The following ADARB1 variants were observed in gnomAD, a reference collection of about 807,000 sequenced individuals.
ADARB1 encodes adenosine deaminase RNA specific B1.
Under a neutral mutation model 52.4 loss-of-function variants are expected in ADARB1, and 10 were observed. The ratio of observed to expected loss-of-function variants is 0.19; its 90% CI spans 0.12 to 0.32. ADARB1 has a LOEUF of 0.32. Ranked by LOEUF, ADARB1 falls within the 10% of genes least tolerant of loss-of-function variation. The pLI is 1.00. For synonymous variants in ADARB1, 349 were observed against 371.1 expected, an observed-to-expected ratio of 0.94 and a Z score of 0.68; for missense variants, 643 against 922.3, an observed-to-expected ratio of 0.70 and a Z score of 3.92.
At chr21:45,156,372 C>G (rs2090629949) in intron 2 of ADARB1, among the ~76,000 whole-genome samples, 1 of 150,044 alleles carries the variant, frequency 6.7e-6, no homozygotes, top group Non-Finnish European at 1.5e-5. Context: ...CCCATCATCA[C>G]CCATCACCCA....
intron 1 of ADARB1, among the ~76,000 whole-genome samples, chr21:45,088,294 G>T (rs2086425186): frequency 6.6e-6 from 1 of 152,224 alleles, no homozygotes; most frequent in African/African-American, 2.4e-5. Flanking sequence ...CAGAAGATGA[G>T]TCTGGAACCT....
intron 2 of ADARB1, among the ~76,000 whole-genome samples, chr21:45,164,436 G>C (rs564622773): frequency 3.3e-5 from 5 of 151,776 alleles, no homozygotes; most frequent in South Asian, 2.1e-4. Flanking sequence ...GGAGGAGACC[G>C]AGCCTGCCCC....
rs534664586 is a variant in ADARB1 at position 45,157,631 on chromosome 21, C to T, written c.-47-13979C>T. Among the ~76,000 whole-genome samples the T allele has an allele frequency of 5.3e-5, 8 of 152,138 alleles. No homozygotes were observed. Among genetic ancestry groups the T allele is most frequent in the Admixed American group, 3.9e-4 (6 of 15,262 alleles). On this transcript the variant is annotated intron_variant, in intron 2 of 10. Transcript: ENST00000348831. The surrounding 1 kb of genome is among the most constrained non-coding windows in gnomAD (Gnocchi z 4.1). ...ATTGCTTAGGCATGCCTGACTGAGG[C>T]GGGAAACAAGCGTGTGGATCAGTGT...
Position 45,204,405 on chromosome 21 carries a change from C to CA in ADARB1, c.1566-149dup. ...TCTTTGTGATCGTAAGCTGCTAAAT[C>CA]AGTCTGTTAACTTTTTGTTGCACTC... On this transcript the variant is annotated intron_variant, in intron 8 of 10. Coordinates refer to ENST00000348831, the MANE Select transcript of ADARB1 (RefSeq NM_001112.4). The surrounding 1 kb of genome is among the most constrained non-coding windows in gnomAD (Gnocchi z 4.4). 1 of 653,230 alleles carries CA rather than the reference C, an allele frequency of 1.5e-6. No homozygotes were observed. Among genetic ancestry groups the CA allele is most frequent in the Non-Finnish European group, 2.6e-6 (1 of 383,884 alleles). The allele number at this position is 653,230 out of a possible 1,614,324, so 40.5% of individuals were successfully genotyped here. A position where few individuals can be genotyped will look rare whatever the true frequency, so the allele number is the denominator to read the frequency against.
At chr21:45,164,232 C>T (rs1052524113) in intron 2 of ADARB1, among the ~76,000 whole-genome samples, 3 of 152,108 alleles carry the variant, frequency 2.0e-5, no homozygotes, top group Non-Finnish European at 4.4e-5. Flanking sequence ...ACAACTGTAG[C>T]AGCCAAGTGA....
intron 1 of ADARB1, among the ~76,000 whole-genome samples, chr21:45,107,633 C>T (rs1225607085): frequency 6.6e-6 from 1 of 152,086 alleles, no homozygotes; most frequent in Non-Finnish European, 1.5e-5. Context: ...GACAATTGGA[C>T]TCCATTTTGT....
At chr21:45,169,035 GC>G (rs1446098117) in intron 2 of ADARB1, among the ~76,000 whole-genome samples, 2 of 152,202 alleles carry the variant, frequency 1.3e-5, no homozygotes, top group African/African-American at 2.4e-5. Context: ...CCCCACTGGG[GC>G]TCCCGGATAG....
At chr21:45,160,143 G>A (rs1346676629) in intron 2 of ADARB1, among the ~76,000 whole-genome samples, 12 of 152,240 alleles carry the variant, frequency 7.9e-5, no homozygotes, top group Non-Finnish European at 1.6e-4. Flanking sequence ...GGTAGGGGCT[G>A]CCTTCTGTCA....
intron 2 of ADARB1, among the ~76,000 whole-genome samples, chr21:45,139,685 A>G (rs1337316754): frequency 1.3e-5 from 2 of 152,202 alleles, no homozygotes; most frequent in Non-Finnish European, 2.9e-5. Flanking sequence ...CCTGAGCATC[A>G]GCACTTCTGC....
chr21:45,128,808 G>C lies in ADARB1; in HGVS notation c.-48+235G>C, dbSNP rs1046318463. Among the ~76,000 whole-genome samples, 2 of 152,094 alleles carry C rather than the reference G, an allele frequency of 1.3e-5. No individual in the cohort carries two copies. The highest frequency in any genetic ancestry group is 2.4e-5 in the African/African-American group (1 of 41,430). ...GGTGCCTGCTGCCCTCCAGTGGCAT[G>C]TGTGGCACCTGCTGCCCTCCAGTGG... On this transcript the variant is annotated intron_variant, in intron 2 of 10. Transcript: ENST00000348831. The surrounding 1 kb of genome is among the most constrained non-coding windows in gnomAD (Gnocchi z 4.6).
chr21:45,214,234 C>A (rs1214981459), intron 9 of ADARB1, among the ~76,000 whole-genome samples: 14 of 152,152 alleles, frequency 9.2e-5, no homozygotes, highest in Non-Finnish European at 1.9e-4. Context: ...AGTTGTTTAA[C>A]ATCTTATTAC....
chr21:45,096,099 A>G (rs899002623), intron 1 of ADARB1, among the ~76,000 whole-genome samples: 1 of 152,254 alleles, frequency 6.6e-6, no homozygotes, highest in African/African-American at 2.4e-5. Flanking sequence ...TTTATCCCAA[A>G]TTAGACAAAC....
Position 45,142,192 on chromosome 21 carries a change from G to A in ADARB1, c.-48+13619G>A, listed in dbSNP as rs1327951338. Among the ~76,000 whole-genome samples, 1 of 152,202 alleles carries A rather than the reference G, an allele frequency of 6.6e-6. No homozygotes were observed. Among genetic ancestry groups the A allele is most frequent in the African/African-American group, 2.4e-5 (1 of 41,446 alleles). ...CATTATGCTACTGCAGCTAATTAAG[G>A]TCGCTCAATTCAAGTGTCTCCTTTT... On this transcript the variant is annotated intron_variant, in intron 2 of 10. Coordinates refer to ENST00000348831, the MANE Select transcript of ADARB1 (RefSeq NM_001112.4). This position sits in a 1 kb window ranked among gnomAD's most constrained non-coding sequence, Gnocchi z 4.0.
Position 45,204,590 on chromosome 21 carries a change from G to A in ADARB1, c.1601G>A (p.Ser534Asn). 1.2e-6 allele frequency: 2 copies of A among 1,614,146 alleles called. No individual in the cohort carries two copies. The highest frequency in any genetic ancestry group is 1.7e-6 in the Non-Finnish European group (2 of 1,180,032). ...NVVGIQGSLLSIFVEPIYFSS... is the reference protein window; with the variant it reads ...NVVGIQGSLLNIFVEPIYFSS... ...GTGGGCATCCAGGGATCCCTGCTCA[G>A]CATTTTCGTGGAGCCCATTTACTTC... is the stretch of plus-strand genomic sequence containing the variant. The change falls in exon 9 of 11, where the codon AGC becomes AAC. Residue 534 changes from serine (S) to asparagine (N), a missense_variant. Physicochemically the swap from Ser to Asn is conservative, Grantham distance 46 (BLOSUM62 1). Around this residue, in one of 2 missense-constraint regions of ADARB1, gnomAD observed 263 missense variants for 475.8 expected, o/e 0.55. Coordinates refer to ENST00000348831, the MANE Select transcript of ADARB1 (RefSeq NM_001112.4). This position sits in a 1 kb window ranked among gnomAD's most constrained non-coding sequence, Gnocchi z 4.4.
At position 45,176,706 on chromosome 21, in the gene ADARB1, T is replaced by A. The variant is rs2146158438; in HGVS notation, c.963+42T>A. 6.5e-7 allele frequency: 1 copy of A among 1,535,412 alleles called. No homozygotes were observed. Among genetic ancestry groups the A allele is most frequent in the African/African-American group, 1.4e-5 (1 of 72,604 alleles). On this transcript the variant is annotated intron_variant, in intron 4 of 10. Coordinates refer to ENST00000348831, the MANE Select transcript of ADARB1 (RefSeq NM_001112.4). This position sits in a 1 kb window ranked among gnomAD's most constrained non-coding sequence, Gnocchi z 5.8. ...CTGCTTTAAAACACGGGGTCATTGC[T>A]CTTGGTAATGCTTCTAGACAGCATT... is the stretch of plus-strand genomic sequence containing the variant.
chr21:45,205,773 A>G (rs768556907), intron 9 of ADARB1, among the ~76,000 whole-genome samples: 2 of 152,232 alleles, frequency 1.3e-5, no homozygotes, highest in Non-Finnish European at 2.9e-5. Flanking sequence ...CTTTTTAAAC[A>G]TATAATTTCA....
At chr21:45,136,663 C>T (rs748548426) in intron 2 of ADARB1, among the ~76,000 whole-genome samples, 1 of 152,252 alleles carries the variant, frequency 6.6e-6, no homozygotes, top group Non-Finnish European at 1.5e-5. Flanking sequence ...AGTAGAGCTG[C>T]CCCACCAGCC....
intron 2 of ADARB1, among the ~76,000 whole-genome samples, chr21:45,170,342 A>G (rs555371199): frequency 6.6e-6 from 1 of 152,252 alleles, no homozygotes; most frequent in Non-Finnish European, 1.5e-5. Context: ...TAAGTTTCTC[A>G]GAATCTGATT....
intron 9 of ADARB1, among the ~76,000 whole-genome samples, chr21:45,213,052 G>C (rs2092799271): frequency 1.3e-5 from 2 of 152,176 alleles, no homozygotes; most frequent in Non-Finnish European, 2.9e-5. Flanking sequence ...CTTTTGCTCT[G>C]ATGAGGGCAG....
Sources: gnomAD v4.1 joint callset for allele counts (sites outside exome capture counted in the v4.1 genomes callset) on GRCh38, gnomAD v4.1.1 for gene constraint, gnomAD v4.1.1 regional missense constraint, Gnocchi (gnomAD v3.1) non-coding constraint, MANE v1.5 for transcripts, NCBI Gene and HGNC (gene_info 2026-07-23, HGNC 2026-07-21) for gene names.